CCR7: variants seen among roughly 807,000 people sequenced by gnomAD.
CCR7 encodes the protein C-C chemokine receptor type 7.
CCR7 carries 11 observed loss-of-function variants against 26.0 expected under a neutral mutation model. The observed-to-expected ratio is 0.42, with a 90% CI of 0.27 to 0.70. CCR7 has a LOEUF of 0.70. CCR7 is among the 30% of genes least tolerant of loss of function. CCR7 has a pLI of 0.23. For missense variants in CCR7, 360 were observed against 504.0 expected (o/e 0.71, Z 2.74); for synonymous variants, 189 against 202.1 (o/e 0.94, Z 0.55).
chr17:40,565,339 G>T, intron 1 of CCR7, 61 bp downstream of exon 1: 2 of 1,447,690 alleles, frequency 1.4e-6, no homozygotes, highest in Non-Finnish European at 1.9e-6. Context: ...CATTCCACAG[G>T]GTCAGTCTGG....
At chr17:40,563,934 C>A (rs1387206660) in intron 1 of CCR7, among the ~76,000 whole-genome samples, 1 of 152,080 alleles carries the variant, frequency 6.6e-6, no homozygotes, top group Non-Finnish European at 1.5e-5. Context: ...CAGGACTTTC[C>A]CTCCACCCTG....
In CCR7 at chr17:40,554,561, G is replaced by C; in HGVS notation, c.*181C>G. 1 of 642,584 alleles carries C rather than the reference G, an allele frequency of 1.6e-6. No individual in the cohort carries two copies. 39.8% of individuals were successfully genotyped at this position (642,584 alleles called of 1,614,324 possible). On this transcript the variant is annotated 3_prime_UTR_variant, in exon 3 of 3. Coordinates refer to ENST00000246657, the MANE Select transcript of CCR7 (RefSeq NM_001838.4). ...TCAGCCCTGTCTTTTTTTGGCATTG[G>C]TTGAGGTAGCTGGGATTGGGGTGAA...
At chr17:40,561,596 TGA>T (rs1257753452) in intron 1 of CCR7, among the ~76,000 whole-genome samples, 1 of 152,158 alleles carries the variant, frequency 6.6e-6, no homozygotes, top group African/African-American at 2.4e-5. Flanking sequence ...GCCCCCAACA[TGA>T]GAGACTGCCC....
chr17:40,562,943 A>T (rs1018953), intron 1 of CCR7, among the ~76,000 whole-genome samples: 6,201 of 151,938 alleles, frequency 0.041, 222 homozygotes, highest in African/African-American at 0.099. Context: ...CATTCCCTCT[A>T]TTACCTTGTC....
rs2036661477 is a variant in CCR7, at chr17:40,562,065, A to G, written c.11-3123T>C. Among the ~76,000 whole-genome samples, 4 of 152,192 alleles carry G rather than the reference A, an allele frequency of 2.6e-5. No homozygotes were observed. In the South Asian group the frequency reaches 8.3e-4, roughly 32 times the overall value. On this transcript the variant is annotated intron_variant, in intron 1 of 2. Transcript: ENST00000246657. Reference sequence around the variant, plus strand: ...CTACTATTATCCCCATTTACCAATGAGAAACTGAAACACAGCAAGTAACTT... The same window carrying G: ...CTACTATTATCCCCATTTACCAATGGGAAACTGAAACACAGCAAGTAACTT...
chr17:40,554,981 G>A lies in CCR7; in HGVS notation c.898C>T (p.Leu300Phe). ...NFNITSSTCE[L>F]SKQLNIAYDV... ...TAGGCGATGTTGAGTTGCTTACTGA[G>A]CTCACAGGTGCTACTGGTGATGTTG... Residue 300 changes from leucine to phenylalanine, a missense_variant, in exon 3 of 3, where the codon CTC becomes TTC. Physicochemically the swap from Leu to Phe is conservative, Grantham distance 22. Transcript: ENST00000246657. 1.2e-6 allele frequency: 2 copies of A among 1,614,228 alleles called. No individual in the cohort carries two copies. The highest frequency in any genetic ancestry group is 1.7e-6 in the Non-Finnish European group (2 of 1,180,030).
chr17:40,561,196 T>C (rs961752953), intron 1 of CCR7, among the ~76,000 whole-genome samples: 4 of 152,218 alleles, frequency 2.6e-5, no homozygotes, highest in South Asian at 2.1e-4. Context: ...TCCCGGACGC[T>C]GTCCCACTCC....
In CCR7 at chr17:40,555,806, G is replaced by C. The variant is rs1597722440; in HGVS notation, c.73C>G (p.Gln25Glu). The change falls in exon 3 of 3, where the codon CAA becomes GAA. Residue 25 changes from glutamine (Q) to glutamate (E), a missense_variant. By Grantham distance (29) the Gln-to-Glu change is conservative. Coordinates refer to ENST00000246657, the MANE Select transcript of CCR7 (RefSeq NM_001838.4). The surrounding 1 kb of genome is among the most constrained non-coding windows in gnomAD (Gnocchi z 5.6). ...ATGTAATCGTCCGTGACCTCATCTT[G>C]ACACAGGCATACCTTCGGGGAAGGA... ...LLVIFQVCLC[Q>E]DEVTDDYIGD... 1.9e-6 allele frequency: 3 copies of C among 1,612,476 alleles called. No individual in the cohort carries two copies. In the East Asian group the frequency reaches 6.7e-5, roughly 36 times the overall value.
intron 2 of CCR7, among the ~76,000 whole-genome samples, chr17:40,558,152 G>A (rs2036613296): frequency 6.6e-6 from 1 of 152,190 alleles, no homozygotes; most frequent in Non-Finnish European, 1.5e-5. Context: ...GGCCTCAGTT[G>A]GACTCCCCTA....
chr17:40,560,972 A>C (rs968526237), intron 1 of CCR7: 1 of 152,092 alleles, frequency 6.6e-6, no homozygotes, highest in African/African-American at 2.4e-5. Context: ...CACACTCTTC[A>C]CGGTTCAACG....
chr17:40,563,033 T>A (rs1188327827), intron 1 of CCR7, among the ~76,000 whole-genome samples: 1 of 152,158 alleles, frequency 6.6e-6, no homozygotes, highest in Non-Finnish European at 1.5e-5. Context: ...TGACAACTCC[T>A]ACACACCCTT....
At chr17:40,558,797 G>A in intron 2 of CCR7, 96 bp downstream of exon 2, 2 of 1,070,406 alleles carry the variant, frequency 1.9e-6, no homozygotes, top group Non-Finnish European at 2.8e-6. Flanking sequence ...TCTGGGTCTT[G>A]TATCTTCTAG....
intron 1 of CCR7, among the ~76,000 whole-genome samples, chr17:40,564,649 A>G (rs1567831995): frequency 6.6e-6 from 1 of 152,136 alleles, no homozygotes; most frequent in Non-Finnish European, 1.5e-5. Context: ...AGGGCTTTCT[A>G]AAGAGTAGAG....
Position 40,555,156 on chromosome 17 carries a change from G to A in CCR7, c.723C>T (p.Phe241=). 6.2e-7 allele frequency: 1 copy of A among 1,614,222 alleles called. No homozygotes were observed. The highest frequency in any genetic ancestry group is 1.1e-5 in the South Asian group (1 of 91,084). ...GGGTGCGGATGATGACAAGGTAACA[G>A]AAGCTCATGGCCAGCAGGGGGACCA... is the stretch of plus-strand genomic sequence containing the variant. The part of the protein sequence containing the change: ...GFLVPLLAMS[F]CYLVIIRTLL... The change falls in exon 3 of 3, where the codon TTC becomes TTT. Residue 241 remains phenylalanine, a synonymous_variant. Transcript: ENST00000246657. This position sits in a 1 kb window ranked among gnomAD's most constrained non-coding sequence, Gnocchi z 5.6.
At chr17:40,560,519 A>G (rs1473393637) in intron 1 of CCR7, among the ~76,000 whole-genome samples, 1 of 152,164 alleles carries the variant, frequency 6.6e-6, no homozygotes, top group African/African-American at 2.4e-5. Flanking sequence ...AAATTGTGTA[A>G]AGCCAGGGAT....
chr17:40,555,048 C>T lies in CCR7; in HGVS notation c.831G>A (p.Leu277=). Residue 277 remains leucine, a synonymous_variant, in exon 3 of 3, where the codon CTG becomes CTA. Coordinates refer to ENST00000246657, the MANE Select transcript of CCR7 (RefSeq NM_001838.4). This position sits in a 1 kb window ranked among gnomAD's most constrained non-coding sequence, Gnocchi z 5.6. ...GGGCCAGGACCACCCCATTGTAGGG[C>T]AGCTGGAAGACTATGAAGACCACGA... ...AVVVVFIVFQ[L]PYNGVVLAQT... The T allele has an allele frequency of 6.2e-7, 1 of 1,614,200 alleles. No individual in the cohort carries two copies. The highest frequency in any genetic ancestry group is 8.5e-7 in the Non-Finnish European group (1 of 1,180,032).
chr17:40,555,258 C>G lies in CCR7; in HGVS notation c.621G>C (p.Ala207=). ...SDLQRSSSEQ[A]MRCSLITEHV... ...GCTCTGTGATGAGAGAGCATCGCAT[C>G]GCTTGCTCACTGCTGCTCCTCTGGA... Residue 207 remains alanine, a synonymous_variant, in exon 3 of 3, where the codon GCG becomes GCC. Transcript: ENST00000246657. This position sits in a 1 kb window ranked among gnomAD's most constrained non-coding sequence, Gnocchi z 5.6. The G allele has an allele frequency of 6.2e-7, 1 of 1,614,112 alleles. No individual in the cohort carries two copies.
At position 40,554,926 on chromosome 17, in the gene CCR7, CGGACGCA is replaced by C; in HGVS notation, c.946_952del (p.Cys316AlafsTer49). ...GTACAAGAAAGGGTTGACGCAGCAG[CGGACGCA>C]GGCCAGGCTGTAGGTGACGTCGTAG... On this transcript the variant is annotated frameshift_variant, in exon 3 of 3. Coordinates refer to ENST00000246657, the MANE Select transcript of CCR7 (RefSeq NM_001838.4). LOFTEE classifies it high-confidence loss of function. 1 of 1,614,200 alleles carries C rather than the reference CGGACGCA, an allele frequency of 6.2e-7. No homozygotes were observed. The highest frequency in any genetic ancestry group is 8.5e-7 in the Non-Finnish European group (1 of 1,180,048).
chr17:40,558,436 G>A (rs1338567661), intron 2 of CCR7, among the ~76,000 whole-genome samples: 3 of 152,148 alleles, frequency 2.0e-5, no homozygotes, highest in East Asian at 1.9e-4. Context: ...CAAAGAAAAC[G>A]GGGGCTGCGA....
Sources: gnomAD v4.1 joint callset for allele counts (sites outside exome capture counted in the v4.1 genomes callset) on GRCh38, gnomAD v4.1.1 for gene constraint, Gnocchi (gnomAD v3.1) non-coding constraint, MANE v1.5 for transcripts, NCBI Gene and HGNC (gene_info 2026-07-23, HGNC 2026-07-21) for gene names.